The following COP1 variants were observed in gnomAD, a reference collection of about 807,000 sequenced individuals.
COP1 encodes COP1 E3 ubiquitin ligase.
In COP1, 24 loss-of-function variants were observed where a neutral mutation model predicts 101.3. The observed-to-expected ratio is 0.24, with a 90% CI of 0.17 to 0.33. The LOEUF is 0.33. Ranked by LOEUF, COP1 falls within the 10% of genes least tolerant of loss-of-function variation. COP1 has a pLI of 1.00. For missense variants in COP1, 663 were observed against 906.2 expected (o/e 0.73, Z 3.45); for synonymous variants, 347 against 341.9 (o/e 1.01, Z -0.17).
chr1:176,142,666 A>G (rs1690885077), intron 6 of COP1, among the ~76,000 whole-genome samples: 1 of 152,102 alleles, frequency 6.6e-6, no homozygotes, highest in South Asian at 2.1e-4. Flanking sequence ...ATATTCAAAG[A>G]AAGAAAACAC....
chr1:176,111,306 T>C (rs1411840849), intron 9 of COP1, among the ~76,000 whole-genome samples: 1 of 152,122 alleles, frequency 6.6e-6, no homozygotes, highest in African/African-American at 2.4e-5. Context: ...ATTTTTTGTG[T>C]GTGTGTGAGA....
At chr1:176,079,484 G>A (rs190139467) in intron 11 of COP1, among the ~76,000 whole-genome samples, 15 of 152,102 alleles carry the variant, frequency 9.9e-5, no homozygotes, top group African/African-American at 3.6e-4. Flanking sequence ...ACTAGATGGG[G>A]AGGTGGGAGA....
At chr1:176,173,324 G>GAAAAAAAAAAAAAAA (rs11396126) in intron 3 of COP1, among the ~76,000 whole-genome samples, 2 of 93,702 alleles carry the variant, frequency 2.1e-5, no homozygotes, top group Non-Finnish European at 3.9e-5. Flanking sequence ...AAAACAAAAT[G>GAAAAAAAAAAAAAAA]AAAAAAAAAA....
chr1:176,165,350 G>A (rs1694925183), intron 3 of COP1, among the ~76,000 whole-genome samples: 1 of 148,266 alleles, frequency 6.7e-6, no homozygotes, highest in South Asian at 2.2e-4. Flanking sequence ...GAGAGAGAGA[G>A]AGATGTGTGT....
At chr1:176,158,352 T>G (rs1693789982) in intron 5 of COP1, among the ~76,000 whole-genome samples, 1 of 152,052 alleles carries the variant, frequency 6.6e-6, no homozygotes, top group Admixed American at 6.6e-5. Context: ...ATAAAAGAAA[T>G]AATTCGCCTC....
chr1:176,163,952 T>A, intron 3 of COP1, 61 bp from the exon 4 acceptor site: 1 of 1,143,594 alleles, frequency 8.7e-7, no homozygotes, highest in Non-Finnish European at 1.3e-6. Flanking sequence ...ATGTATCATG[T>A]AATTCTTCGG....
chr1:176,206,259 T>A lies in COP1; in HGVS notation c.407+313A>T, dbSNP rs568633659. On this transcript the variant is annotated intron_variant, in intron 1 of 19. Coordinates refer to ENST00000367669, the MANE Select transcript of COP1 (RefSeq NM_022457.7). ...TAAGACTCAACCTCTCTGCCAACTTTGTTATCCAAAACCATTTATTTGACC... is the reference window on the plus strand; with the variant it reads ...TAAGACTCAACCTCTCTGCCAACTTAGTTATCCAAAACCATTTATTTGACC... 31 of 356,660 alleles carry A rather than the reference T, an allele frequency of 8.7e-5. 1 individual carries two copies. Among genetic ancestry groups the A allele is most frequent in the African/African-American group, 6.7e-4 (31 of 46,460 alleles). 22.1% of individuals were successfully genotyped at this position (356,660 alleles called of 1,614,324 possible).
At position 176,189,392 on chromosome 1, in the gene COP1, G is replaced by A. The variant is rs558824606; in HGVS notation, c.408-4700C>T. On this transcript the variant is annotated intron_variant, in intron 1 of 19. Transcript: ENST00000367669. ...GGGACAGTATTATGTTTCTTTTTCC[G>A]TTGGGAATTCTTTGTTTCTCATTTT... Among the ~76,000 whole-genome samples the A allele has an allele frequency of 6.5e-4, 98 of 150,746 alleles. 1 individual carries two copies. Among genetic ancestry groups the A allele is most frequent in the African/African-American group, 2.2e-3 (91 of 41,078 alleles).
chr1:176,193,324 A>C (rs1699314305), intron 1 of COP1, among the ~76,000 whole-genome samples: 1 of 152,206 alleles, frequency 6.6e-6, no homozygotes, highest in Non-Finnish European at 1.5e-5. Flanking sequence ...GCTAGTAGGA[A>C]AATAAAGTAA....
In COP1 at chr1:176,093,772, G is replaced by A. The variant is rs988827861; in HGVS notation, c.1027-7882C>T. Reference sequence around the variant, plus strand: ...GGAGAATGCTGTGAACCTGGGAGGCGGAGCCTGCAGTGAGCCGAGATCAAG... The same window carrying A: ...GGAGAATGCTGTGAACCTGGGAGGCAGAGCCTGCAGTGAGCCGAGATCAAG... On this transcript the variant is annotated intron_variant, in intron 9 of 19. Transcript: ENST00000367669. Among the ~76,000 whole-genome samples the A allele has an allele frequency of 3.2e-4, 49 of 152,166 alleles. 1 individual carries two copies. The highest frequency in any genetic ancestry group is 2.7e-3 in the Admixed American group (41 of 15,280).
chr1:176,013,007 G>A (rs1664958220), intron 15 of COP1, among the ~76,000 whole-genome samples: 1 of 152,084 alleles, frequency 6.6e-6, no homozygotes, highest in Middle Eastern at 3.4e-3. Context: ...AAAATCCACG[G>A]ATGTTCATGT....
rs540950625 is a variant in COP1, at chr1:176,005,343, C to G, written c.1730-15864G>C. Among the ~76,000 whole-genome samples, 433 of 152,178 alleles carry G rather than the reference C, an allele frequency of 2.8e-3. 3 individuals are homozygous for G. Among genetic ancestry groups the G allele is most frequent in the African/African-American group, 9.3e-3 (386 of 41,504 alleles). ...AATTTTTGTAGGGTTTTTTGTGTCT[C>G]TATTTCCTTCAGTTCTGCTCTGATT... On this transcript the variant is annotated intron_variant, in intron 15 of 19. Coordinates refer to ENST00000367669, the MANE Select transcript of COP1 (RefSeq NM_022457.7).
chr1:176,181,807 C>G (rs1459770973), intron 2 of COP1, among the ~76,000 whole-genome samples: 1 of 151,572 alleles, frequency 6.6e-6, no homozygotes, highest in Non-Finnish European at 1.5e-5. Flanking sequence ...CGAGCCACTG[C>G]ACTCCAGCCT....
At chr1:176,090,334 C>G (rs1387719077) in intron 9 of COP1, among the ~76,000 whole-genome samples, 1 of 152,124 alleles carries the variant, frequency 6.6e-6, no homozygotes, top group South Asian at 2.1e-4. Flanking sequence ...TTCTCAGGAC[C>G]TCTTGAGACT....
chr1:176,124,760 G>A (rs540765737), intron 8 of COP1, among the ~76,000 whole-genome samples: 3 of 152,174 alleles, frequency 2.0e-5, no homozygotes, highest in African/African-American at 7.2e-5. Context: ...TCATGTATAC[G>A]TTTCCTTTCT....
chr1:176,128,214 T>C (rs569256549), intron 8 of COP1, among the ~76,000 whole-genome samples: 11 of 152,212 alleles, frequency 7.2e-5, no homozygotes, highest in Non-Finnish European at 1.5e-4. Flanking sequence ...GCTCAAATAC[T>C]GGCTGAATGA....
chr1:176,184,378 T>A (rs898573948), intron 2 of COP1, among the ~76,000 whole-genome samples: 1 of 152,176 alleles, frequency 6.6e-6, no homozygotes, highest in African/African-American at 2.4e-5. Flanking sequence ...AAAGTTCCTA[T>A]TAACAATTAA....
At chr1:176,181,342 G>A (rs770526046) in intron 2 of COP1, among the ~76,000 whole-genome samples, 2 of 151,832 alleles carry the variant, frequency 1.3e-5, no homozygotes, top group African/African-American at 2.4e-5. Flanking sequence ...TGACACAAGA[G>A]GCTACGGTTA....
chr1:176,112,704 T>C (rs1056681476), intron 9 of COP1, among the ~76,000 whole-genome samples: 3 of 152,120 alleles, frequency 2.0e-5, no homozygotes, highest in South Asian at 4.1e-4. Context: ...GTTCTCTCCA[T>C]TCCCCCTCCT....
Sources: gnomAD v4.1 joint callset for allele counts (sites outside exome capture counted in the v4.1 genomes callset) on GRCh38, gnomAD v4.1.1 for gene constraint, MANE v1.5 for transcripts, NCBI Gene and HGNC (gene_info 2026-07-23, HGNC 2026-07-21) for gene names.